Variants in DGKB observed in about 807,000 individuals in gnomAD.
DGKB encodes diacylglycerol kinase beta, also known as 90 kDa diacylglycerol kinase.
In DGKB, 67 loss-of-function variants were observed where a neutral mutation model predicts 114.3. The observed-to-expected ratio is 0.59, with a 90% CI of 0.48 to 0.72. The LOEUF (loss-of-function observed/expected upper bound fraction) is 0.72. Among genes scored for constraint, DGKB ranks in the 30% least tolerant of loss-of-function variants. The pLI is 0.00. For synonymous variants in DGKB, 398 were observed against 323.1 expected (o/e 1.23, Z -2.49); for missense variants, 907 against 975.2 (o/e 0.93, Z 0.93).
chr7:14,718,852 C>T (rs944997583), intron 5 of DGKB, 167 bp from the exon 6 acceptor site: 4 of 552,486 alleles, frequency 7.2e-6, no homozygotes, highest in East Asian at 3.1e-5. Context: ...ACATAGCCTA[C>T]GACTGTTGTA....
At chr7:14,579,319 T>G (rs1444674812) in intron 19 of DGKB, among the ~76,000 whole-genome samples, 1 of 152,182 alleles carries the variant, frequency 6.6e-6, no homozygotes, top group Non-Finnish European at 1.5e-5. Flanking sequence ...CATGCTACAG[T>G]CCTTGCCTTT....
chr7:14,780,185 C>T (rs189144280), intron 2 of DGKB, among the ~76,000 whole-genome samples: 116 of 152,236 alleles, frequency 7.6e-4, no homozygotes, highest in Admixed American at 1.9e-3. Flanking sequence ...GCCTAAAGCA[C>T]ATGATGAAAG....
At chr7:14,161,824 A>G (rs980780166) in intron 25 of DGKB, among the ~76,000 whole-genome samples, 5 of 152,202 alleles carry the variant, frequency 3.3e-5, no homozygotes, top group African/African-American at 1.2e-4. Flanking sequence ...ATTAAAAGAA[A>G]AAAAAAGTCT....
At chr7:14,464,206 T>C (rs968834302) in intron 21 of DGKB, among the ~76,000 whole-genome samples, 1 of 152,170 alleles carries the variant, frequency 6.6e-6, no homozygotes, top group Non-Finnish European at 1.5e-5. Context: ...GGTTGAAATG[T>C]AAAACAGCCA....
rs1786420462 is a variant in DGKB, at chr7:14,955,062, T to C, written c.-188+19634A>G. On this transcript the variant is annotated intron_variant, in intron 1 of 4. Coordinates refer to the DGKB transcript ENST00000437998. ...GAGTCTGGAAGAGCTCCCAGCTGAC[T>C]GTAGGGTTGTGAAAGGCAAGCAAAT... 2.6e-5 allele frequency among the ~76,000 whole-genome samples: 4 copies of C among 152,020 alleles called. 1 individual carries two copies. Among genetic ancestry groups the C allele is most frequent in the Admixed American group, 2.6e-4 (4 of 15,228 alleles).
rs970224077 is a variant in DGKB, at chr7:14,828,808, C to T, written c.70+12386G>A. ...TATTTAGTCCATTTCTGGGCATCAG[C>T]GTCCACATTTTCCCACAGTGATTAT... On this transcript the variant is annotated intron_variant, in intron 2 of 25. Coordinates refer to ENST00000402815, the MANE Select transcript of DGKB (RefSeq NM_001350709.2). Among the ~76,000 whole-genome samples the T allele has an allele frequency of 5.3e-5, 8 of 152,092 alleles. No individual in the cohort carries two copies. The South Asian group carries it at 1.0e-3, about 20-fold the overall frequency.
intron 21 of DGKB, among the ~76,000 whole-genome samples, chr7:14,367,201 T>A (rs1228477828): frequency 1.3e-5 from 2 of 152,066 alleles, no homozygotes; most frequent in African/African-American, 2.4e-5. Flanking sequence ...TGTAGGCTAA[T>A]GTAAGTGTTC....
At chr7:14,867,019 G>C (rs1176653170) in intron 1 of DGKB, among the ~76,000 whole-genome samples, 1 of 152,110 alleles carries the variant, frequency 6.6e-6, no homozygotes, top group East Asian at 1.9e-4. Context: ...TTTAACATCT[G>C]TATATTTTCT....
At chr7:14,443,487 A>G (rs1338980488) in intron 21 of DGKB, among the ~76,000 whole-genome samples, 1 of 152,124 alleles carries the variant, frequency 6.6e-6, no homozygotes, top group African/African-American at 2.4e-5. Context: ...TTCATTTCCT[A>G]TTTGGCCTCC....
intron 8 of DGKB, among the ~76,000 whole-genome samples, chr7:14,697,689 A>T (rs1824208064): frequency 6.8e-6 from 1 of 147,780 alleles, no homozygotes; most frequent in Non-Finnish European, 1.5e-5. Context: ...AAGAAAAGGA[A>T]GGAAGGAAGG....
chr7:14,397,136 T>A (rs17168136), intron 21 of DGKB, among the ~76,000 whole-genome samples: 10,300 of 152,066 alleles, frequency 0.068, 1,158 homozygotes, highest in African/African-American at 0.23. Context: ...TTTACATAGG[T>A]AGACAGGACA....
intron 1 of DGKB, among the ~76,000 whole-genome samples, chr7:14,954,498 A>T (rs1189173577): frequency 6.6e-6 from 1 of 152,064 alleles, no homozygotes; most frequent in Non-Finnish European, 1.5e-5. Flanking sequence ...TTTGCATTTT[A>T]AAAAATTACT....
chr7:14,172,606 C>A (rs1011077726), intron 25 of DGKB, among the ~76,000 whole-genome samples: 3 of 151,874 alleles, frequency 2.0e-5, no homozygotes, highest in Admixed American at 1.3e-4. Flanking sequence ...AGGGAAGAAT[C>A]GCAGATCTAG....
chr7:14,922,747 G>T (rs1347830372), intron 1 of DGKB, among the ~76,000 whole-genome samples: 2 of 152,002 alleles, frequency 1.3e-5, no homozygotes, highest in East Asian at 3.9e-4. Context: ...AATAATAATT[G>T]AGTATATTTA....
rs529633687 is a variant in DGKB at position 14,148,723 on chromosome 7, T to C, written c.*408A>G. The C allele has an allele frequency of 1.2e-4, 30 of 248,774 alleles. 1 individual carries two copies. In the South Asian group the frequency reaches 1.3e-3, roughly 11 times the overall value. 15.4% of individuals were successfully genotyped at this position (248,774 alleles called of 1,614,324 possible). ...GTATAGCAATCTGCAATTATGATCA[T>C]TGTAGCGTTACTGATTAGTGCTTCG... On this transcript the variant is annotated 3_prime_UTR_variant, in exon 26 of 26. Coordinates refer to ENST00000402815, the MANE Select transcript of DGKB (RefSeq NM_001350709.2).
At chr7:14,614,173 A>G (rs1005276489) in intron 15 of DGKB, among the ~76,000 whole-genome samples, 5 of 152,172 alleles carry the variant, frequency 3.3e-5, no homozygotes, top group African/African-American at 9.6e-5. Flanking sequence ...GAAATATACA[A>G]TAAACAAATA....
chr7:14,278,942 G>A (rs1168026546), intron 23 of DGKB, among the ~76,000 whole-genome samples: 2 of 152,156 alleles, frequency 1.3e-5, no homozygotes, highest in African/African-American at 4.8e-5. Context: ...CAGAAGACGG[G>A]GGATTTCTGC....
intron 1 of DGKB, among the ~76,000 whole-genome samples, chr7:14,878,748 CAAAAAACAAAAAAA>C (rs1171278792): frequency 1.1e-3 from 19 of 16,934 alleles, no homozygotes; most frequent in Admixed American, 3.5e-3. Context: ...GACTCCGTCT[CAAAAAACAAAAAAA>C]AAAAAACAAA....
In DGKB at chr7:14,862,184, C is replaced by T. The variant is rs535533523; in HGVS notation, c.-187-20734G>A. Among the ~76,000 whole-genome samples, 6 of 152,054 alleles carry T rather than the reference C, an allele frequency of 3.9e-5. No individual in the cohort carries two copies. In the South Asian group the frequency reaches 1.2e-3, roughly 31 times the overall value. ...TTGACAAATAAAAATTGTGTATACTCAAGGCATACAAGGAGATGATTTGAT... is the reference window on the plus strand; with the variant it reads ...TTGACAAATAAAAATTGTGTATACTTAAGGCATACAAGGAGATGATTTGAT... On this transcript the variant is annotated intron_variant, in intron 1 of 25. Transcript: ENST00000402815.
Sources: allele counts gnomAD v4.1 joint callset (sites outside exome capture counted in the v4.1 genomes callset), GRCh38; gene constraint gnomAD v4.1.1; transcripts MANE v1.5; gene names NCBI Gene and HGNC (gene_info 2026-07-23, HGNC 2026-07-21).